DNAJC1: variants seen among roughly 807,000 people sequenced by gnomAD.
The protein encoded by DNAJC1 is dnaJ homolog subfamily C member 1.
In DNAJC1, 58 loss-of-function variants were observed where a neutral mutation model predicts 76.6. The observed-to-expected ratio is 0.76, with a 90% CI of 0.61 to 0.94. DNAJC1 has a LOEUF of 0.94. Among genes scored for constraint, DNAJC1 ranks in the 40% least tolerant of loss-of-function variants. The pLI, the probability that DNAJC1 is intolerant of heterozygous loss-of-function variation, is 0.00. For synonymous variants in DNAJC1, 258 were observed against 267.9 expected, an observed-to-expected ratio of 0.96 and a Z score of 0.36; for missense variants, 689 against 677.3, an observed-to-expected ratio of 1.02 and a Z score of -0.19.
At chr10:21,895,589 A>G (rs1432871251) in intron 7 of DNAJC1, among the ~76,000 whole-genome samples, 1 of 152,234 alleles carries the variant, frequency 6.6e-6, no homozygotes, top group African/African-American at 2.4e-5. Context: ...AGCAGAAGTT[A>G]AAGATTTAAA....
intron 1 of DNAJC1, among the ~76,000 whole-genome samples, chr10:21,987,389 A>G (rs1031599949): frequency 6.6e-6 from 1 of 152,182 alleles, no homozygotes; most frequent in Non-Finnish European, 1.5e-5. Flanking sequence ...AGTATCTACA[A>G]TATTTGAATT....
chr10:21,901,061 G>A, intron 7 of DNAJC1, among the ~76,000 whole-genome samples: 1 of 152,142 alleles, frequency 6.6e-6, no homozygotes, highest in East Asian at 1.9e-4. Context: ...ATCCTACAGG[G>A]TGTGTCCCTG....
intron 1 of DNAJC1, among the ~76,000 whole-genome samples, chr10:21,945,673 A>G (rs1410433213): frequency 6.6e-6 from 1 of 152,190 alleles, no homozygotes; most frequent in Non-Finnish European, 1.5e-5. Flanking sequence ...ATAAAATGTC[A>G]CGGCCAATAA....
Position 21,919,856 on chromosome 10 carries a change from A to G in DNAJC1, c.611T>C (p.Leu204Pro). 2 of 1,607,054 alleles carry G rather than the reference A, an allele frequency of 1.2e-6. No homozygotes were observed. The highest frequency in any genetic ancestry group is 1.7e-6 in the Non-Finnish European group (2 of 1,178,048). Residue 204 changes from leucine to proline, a missense_variant, in exon 5 of 12, where the codon CTC (leucine) becomes CCC (proline). Transcript: ENST00000376980. ...TGSKSVDVSK[L>P]GASEKNERLL... Reference sequence around the variant, plus strand: ...CCTTTCATTTTTTTCTGAAGCACCGAGTTTTGATACATCCACACTCTTGCT... The same window carrying G: ...CCTTTCATTTTTTTCTGAAGCACCGGGTTTTGATACATCCACACTCTTGCT...
chr10:21,966,777 C>T (rs1428435781), intron 1 of DNAJC1, among the ~76,000 whole-genome samples: 1 of 151,308 alleles, frequency 6.6e-6, no homozygotes, highest in African/African-American at 2.4e-5. Context: ...CTTCCGCCTC[C>T]TGGATTCAAA....
chr10:21,949,641 T>C (rs1032221088), intron 1 of DNAJC1, among the ~76,000 whole-genome samples: 1 of 151,424 alleles, frequency 6.6e-6, no homozygotes, highest in African/African-American at 2.4e-5. Context: ...GGTTTCGAAC[T>C]CTTGACCTCA....
intron 9 of DNAJC1, among the ~76,000 whole-genome samples, chr10:21,767,268 AT>A (rs906256928): frequency 3.3e-5 from 5 of 152,224 alleles, no homozygotes; most frequent in Non-Finnish European, 5.9e-5. Flanking sequence ...ATGAGTGTGG[AT>A]CCACAGAAAG....
chr10:21,826,442 C>T (rs1029323036), intron 8 of DNAJC1, among the ~76,000 whole-genome samples: 22 of 152,072 alleles, frequency 1.4e-4, no homozygotes, highest in African/African-American at 5.1e-4. Flanking sequence ...AGGCATGAGC[C>T]ACTGTACCTG....
intron 8 of DNAJC1, among the ~76,000 whole-genome samples, chr10:21,810,132 T>C (rs1035390656): frequency 2.0e-5 from 3 of 152,140 alleles, no homozygotes; most frequent in Admixed American, 2.0e-4. Flanking sequence ...ACATGTGAAT[T>C]TGGGGGCACA....
Position 21,993,327 on chromosome 10 carries a change from T to C in DNAJC1, c.222+9886A>G, listed in dbSNP as rs184625285. Among the ~76,000 whole-genome samples, 242 of 152,310 alleles carry C rather than the reference T, an allele frequency of 1.6e-3. 1 individual carries two copies. The highest frequency in any genetic ancestry group is 2.2e-3 in the Non-Finnish European group (153 of 68,026). ...AGCAGTGCTTTCCCAACCTCTTTCA[T>C]ACCATGGCACGTTACAGAAAATTGT... is the stretch of plus-strand genomic sequence containing the variant. On this transcript the variant is annotated intron_variant, in intron 1 of 11. Coordinates refer to ENST00000376980, the MANE Select transcript of DNAJC1 (RefSeq NM_022365.4).
chr10:21,887,075 A>T (rs1332781665), intron 7 of DNAJC1, among the ~76,000 whole-genome samples: 1 of 152,192 alleles, frequency 6.6e-6, no homozygotes, highest in East Asian at 1.9e-4. Flanking sequence ...AAAAATCACT[A>T]GCATTCCTAT....
intron 8 of DNAJC1, among the ~76,000 whole-genome samples, chr10:21,879,170 G>C (rs1266156478): frequency 6.6e-6 from 1 of 152,178 alleles, no homozygotes. Flanking sequence ...CATTGAACTT[G>C]GCAATGGTTA....
chr10:21,963,974 T>C (rs1451486784), intron 1 of DNAJC1, among the ~76,000 whole-genome samples: 1 of 152,226 alleles, frequency 6.6e-6, no homozygotes, highest in Non-Finnish European at 1.5e-5. Context: ...TAGGGCATTC[T>C]TTCCCCACCC....
At chr10:21,970,389 A>G (rs944291181) in intron 1 of DNAJC1, among the ~76,000 whole-genome samples, 7 of 152,098 alleles carry the variant, frequency 4.6e-5, no homozygotes, top group Non-Finnish European at 1.0e-4. Flanking sequence ...CTTAACAGGT[A>G]TTAAAATATG....
At chr10:21,779,053 C>G (rs934395964) in intron 9 of DNAJC1, among the ~76,000 whole-genome samples, 1 of 152,130 alleles carries the variant, frequency 6.6e-6, no homozygotes. Context: ...GGGGGAGGGG[C>G]GCCTGCCATT....
chr10:21,944,747 A>C (rs902581086), intron 1 of DNAJC1, among the ~76,000 whole-genome samples: 14 of 152,226 alleles, frequency 9.2e-5, no homozygotes, highest in African/African-American at 3.4e-4. Flanking sequence ...TGTTTTTGTC[A>C]ATTATACCTC....
chr10:21,852,686 T>C (rs573719185), intron 8 of DNAJC1, among the ~76,000 whole-genome samples: 25 of 152,038 alleles, frequency 1.6e-4, no homozygotes, highest in South Asian at 1.0e-3. Flanking sequence ...ACGTAAACCA[T>C]ATGCATACCA....
chr10:21,991,458 C>T (rs961556651), intron 1 of DNAJC1, among the ~76,000 whole-genome samples: 3 of 152,058 alleles, frequency 2.0e-5, no homozygotes, highest in African/African-American at 7.2e-5. Flanking sequence ...CTTTACAGAA[C>T]AAAGCATGGT....
rs1415247021 is a variant in DNAJC1, at chr10:21,991,489, A to C, written c.222+11724T>G. On this transcript the variant is annotated intron_variant, in intron 1 of 11. Transcript: ENST00000376980. ...ATGGTCAAAATGTATACTATAGATA[A>C]GTAACTAGGAATATGATAGCTAGCA... Among the ~76,000 whole-genome samples, 3 of 152,306 alleles carry C rather than the reference A, an allele frequency of 2.0e-5. No homozygotes were observed. In the East Asian group the frequency reaches 5.8e-4, roughly 29 times the overall value.
Sources: gnomAD v4.1 joint callset for allele counts (sites outside exome capture counted in the v4.1 genomes callset) on GRCh38, gnomAD v4.1.1 for gene constraint, MANE v1.5 for transcripts, NCBI Gene and HGNC (gene_info 2026-07-23, HGNC 2026-07-21) for gene names.